TMEM132C: variants seen among roughly 807,000 people sequenced by gnomAD.
TMEM132C encodes the protein transmembrane protein 132C.
Under a neutral mutation model 61.4 loss-of-function variants are expected in TMEM132C, and 29 were observed. The ratio of observed to expected loss-of-function variants is 0.47; its 90% CI spans 0.35 to 0.64. The LOEUF is 0.64. TMEM132C is among the 30% of genes least tolerant of loss of function. TMEM132C has a pLI of 0.00. For missense variants in TMEM132C, 1,408 were observed against 1,476.9 expected (o/e 0.95, Z 0.76); for synonymous variants, 656 against 633.1 (o/e 1.04, Z -0.54).
At chr12:128,512,409 C>G (rs1872595026) in intron 2 of TMEM132C, among the ~76,000 whole-genome samples, 2 of 152,144 alleles carry the variant, frequency 1.3e-5, no homozygotes, top group South Asian at 4.1e-4. Flanking sequence ...AACAATATGT[C>G]CTGGAGTTTT....
At chr12:128,340,751 T>TTTTC (rs932808184) in intron 1 of TMEM132C, among the ~76,000 whole-genome samples, 12 of 151,034 alleles carry the variant, frequency 7.9e-5, no homozygotes, top group Middle Eastern at 3.4e-3. Context: ...CTTTTTTTCT[T>TTTTC]TTTCTTTCTT....
At chr12:128,548,904 G>C (rs1874056642) in intron 3 of TMEM132C, among the ~76,000 whole-genome samples, 1 of 152,178 alleles carries the variant, frequency 6.6e-6, no homozygotes, top group African/African-American at 2.4e-5. Flanking sequence ...AAAGTATGCA[G>C]GAGGATGCGC....
At chr12:128,400,969 G>A (rs1290109779) in intron 1 of TMEM132C, among the ~76,000 whole-genome samples, 1 of 152,050 alleles carries the variant, frequency 6.6e-6, no homozygotes, top group Non-Finnish European at 1.5e-5. Flanking sequence ...ATGTACCCTT[G>A]GGAGCAAAAC....
rs201589996 is a variant in TMEM132C at position 128,476,832 on chromosome 12, T to TA, written c.974+61212_974+61213insA. Among the ~76,000 whole-genome samples the TA allele has an allele frequency of 2.6e-3, 231 of 90,262 alleles. 2 individuals carry two copies. The highest frequency in any genetic ancestry group is 0.016 in the African/African-American group (214 of 13,658). The allele number at this position is 90,262 out of a possible 152,430, so 59.2% of individuals were successfully genotyped here. A position where few individuals can be genotyped will look rare whatever the true frequency, so the allele number is the denominator to read the frequency against. The stretch of plus-strand genomic sequence containing the variant: ...ACAGCTAGATTTGAGCAGCATTTGA[T>TA]TTTATATTTGCCTACTATATTCCCT... On this transcript the variant is annotated intron_variant, in intron 2 of 8. Coordinates refer to ENST00000435159, the MANE Select transcript of TMEM132C (RefSeq NM_001136103.3).
At chr12:128,498,375 TA>T (rs11296963) in intron 2 of TMEM132C, among the ~76,000 whole-genome samples, 53,977 of 151,460 alleles carry the variant, frequency 0.36, 9,848 homozygotes, top group East Asian at 0.57. Context: ...ATGTTCTATA[TA>T]AAAAAAAACC....
In TMEM132C at chr12:128,543,985, C is replaced by T. The variant is rs1873853629; in HGVS notation, c.1003C>T (p.Leu335=). The change falls in exon 3 of 9, where the codon CTG becomes TTG. Residue 335 remains leucine (L), a synonymous_variant. Transcript: ENST00000435159. ...RAKVKKGVNI[L]SAQTREPRQW... is the part of the protein sequence containing the mutation. Reference sequence around the variant, plus strand: ...CAAGGTGAAGAAGGGGGTGAACATCCTGAGTGCTCAGACCCGTGAGCCCCG... The same window carrying T: ...CAAGGTGAAGAAGGGGGTGAACATCTTGAGTGCTCAGACCCGTGAGCCCCG... The T allele has an allele frequency of 6.5e-7, 1 of 1,548,536 alleles. No homozygotes were observed. Among genetic ancestry groups the T allele is most frequent in the Non-Finnish European group, 8.7e-7 (1 of 1,145,738 alleles).
chr12:128,638,965 G>A (rs1024262625), intron 4 of TMEM132C, among the ~76,000 whole-genome samples: 1 of 70,040 alleles, frequency 1.4e-5, no homozygotes, highest in Non-Finnish European at 3.4e-5. Flanking sequence ...GATGGTGATG[G>A]TGGTGATGGT....
At chr12:128,490,154 C>T (rs1871666784) in intron 2 of TMEM132C, among the ~76,000 whole-genome samples, 1 of 152,120 alleles carries the variant, frequency 6.6e-6, no homozygotes, top group Non-Finnish European at 1.5e-5. Flanking sequence ...CCTTATGTCG[C>T]CCTATCTTGG....
At chr12:128,503,523 C>T (rs908046828) in intron 2 of TMEM132C, among the ~76,000 whole-genome samples, 1 of 152,220 alleles carries the variant, frequency 6.6e-6, no homozygotes, top group Non-Finnish European at 1.5e-5. Context: ...TCTTCTGGTT[C>T]TGAACTTCAG....
intron 2 of TMEM132C, among the ~76,000 whole-genome samples, chr12:128,441,719 C>T (rs1290440173): frequency 3.9e-5 from 6 of 152,160 alleles, no homozygotes; most frequent in Admixed American, 6.5e-5. Flanking sequence ...CCTGCTCTTG[C>T]CTTCCCTGTG....
At chr12:128,484,140 A>G (rs1265417996) in intron 2 of TMEM132C, among the ~76,000 whole-genome samples, 3 of 152,194 alleles carry the variant, frequency 2.0e-5, no homozygotes, top group Admixed American at 6.5e-5. Flanking sequence ...CTGTTGTTAT[A>G]TGTTTGCCAG....
intron 1 of TMEM132C, among the ~76,000 whole-genome samples, chr12:128,408,796 T>C (rs1868408906): frequency 6.6e-6 from 1 of 152,172 alleles, no homozygotes; most frequent in Non-Finnish European, 1.5e-5. Flanking sequence ...GAGAGAATGT[T>C]ATTTCTTTGA....
chr12:128,489,941 C>T (rs1282024100), intron 2 of TMEM132C, among the ~76,000 whole-genome samples: 2 of 152,112 alleles, frequency 1.3e-5, no homozygotes, highest in African/African-American at 4.8e-5. Flanking sequence ...ACGTGTATGC[C>T]ACCAAAATCG....
chr12:128,471,103 G>A (rs1870935755), intron 2 of TMEM132C, among the ~76,000 whole-genome samples: 1 of 152,062 alleles, frequency 6.6e-6, no homozygotes, highest in Non-Finnish European at 1.5e-5. Flanking sequence ...AGCATCTCTG[G>A]TCTCTGTCCA....
chr12:128,415,573 C>T lies in TMEM132C; in HGVS notation c.927C>T (p.Ala309=). 1.3e-6 allele frequency: 2 copies of T among 1,549,488 alleles called. No individual in the cohort carries two copies. Among genetic ancestry groups the T allele is most frequent in the Non-Finnish European group, 1.7e-6 (2 of 1,146,014 alleles). ...TCAAGCAGGGAGAGGTGGTCACGGC[C>T]TATGTCACCATCTCGAGCAATTCCT... ...RPVKQGEVVT[A]YVTISSNSSV... Residue 309 remains alanine (A), a synonymous_variant, in exon 2 of 9, where the codon GCC becomes GCT. Coordinates refer to ENST00000435159, the MANE Select transcript of TMEM132C (RefSeq NM_001136103.3). The surrounding 1 kb of genome is among the most constrained non-coding windows in gnomAD (Gnocchi z 5.8).
intron 7 of TMEM132C, 151 bp from the exon 8 acceptor site, chr12:128,697,073 G>T: frequency 1.8e-6 from 1 of 568,192 alleles, no homozygotes. Context: ...GCATGGGATG[G>T]GCCAGCATAT....
At chr12:128,686,760 C>G (rs79979857) in intron 5 of TMEM132C, among the ~76,000 whole-genome samples, 1 of 152,144 alleles carries the variant, frequency 6.6e-6, no homozygotes, top group Non-Finnish European at 1.5e-5. Flanking sequence ...CAAAAATCTC[C>G]GCCATCCTAG....
In TMEM132C at chr12:128,398,075, A is replaced by G. The variant is rs867874979; in HGVS notation, c.86-16657A>G. ...GGTGCAATATTAAATAAGAACCACG[A>G]TAAGCTCAGAGGCCTCATCCATCAG... On this transcript the variant is annotated intron_variant, in intron 1 of 8. Coordinates refer to ENST00000435159, the MANE Select transcript of TMEM132C (RefSeq NM_001136103.3). 1.2e-4 allele frequency among the ~76,000 whole-genome samples: 19 copies of G among 152,320 alleles called. 1 individual carries two copies. Among genetic ancestry groups the G allele is most frequent in the Middle Eastern group, 3.4e-3 (1 of 294 alleles).
intron 4 of TMEM132C, among the ~76,000 whole-genome samples, chr12:128,645,353 C>G (rs1268836834): frequency 6.6e-6 from 1 of 152,162 alleles, no homozygotes; most frequent in Non-Finnish European, 1.5e-5. Context: ...ACAGAAGCCA[C>G]CTGGCATCCC....
Sources: allele counts gnomAD v4.1 joint callset (sites outside exome capture counted in the v4.1 genomes callset), GRCh38; gene constraint gnomAD v4.1.1; non-coding constraint Gnocchi (gnomAD v3.1); transcripts MANE v1.5; gene names NCBI Gene and HGNC (gene_info 2026-07-23, HGNC 2026-07-21).